The following SHLD2 variants were observed in gnomAD, a reference collection of about 807,000 sequenced individuals.
SHLD2 encodes RINN1-REV7-interacting novel NHEJ regulator 2.
SHLD2 carries 30 observed loss-of-function variants against 73.2 expected under a neutral mutation model. That is an observed-to-expected ratio of 0.41 (90% CI 0.31 to 0.56). The LOEUF is 0.56. Ranked by LOEUF, SHLD2 falls within the 20% of genes least tolerant of loss-of-function variation. SHLD2 has a pLI of 0.28. For synonymous variants in SHLD2, 285 were observed against 370.1 expected (o/e 0.77, Z 2.64); for missense variants, 745 against 1,055.9 (o/e 0.71, Z 4.08).
chr10:87,148,893 T>TC (rs1338370134), intron 2 of SHLD2, among the ~76,000 whole-genome samples: 1 of 150,288 alleles, frequency 6.7e-6, no homozygotes, highest in East Asian at 1.9e-4. Context: ...TTTTTTTTTT[T>TC]TTTTTTTTCT....
At chr10:87,174,717 A>G (rs1163691289) in intron 6 of SHLD2, among the ~76,000 whole-genome samples, 2 of 152,186 alleles carry the variant, frequency 1.3e-5, no homozygotes, top group African/African-American at 4.8e-5. Flanking sequence ...GTTTTATTAT[A>G]GTTTTGAAGT....
In SHLD2 at chr10:87,184,063, C is replaced by T. The variant is rs533206514; in HGVS notation, c.2400-3022C>T. Among the ~76,000 whole-genome samples, 19 of 152,324 alleles carry T rather than the reference C, an allele frequency of 1.2e-4. No homozygotes were observed. In the South Asian group the frequency reaches 3.9e-3, roughly 32 times the overall value. On this transcript the variant is annotated intron_variant, in intron 8 of 9. Coordinates refer to ENST00000298786, the MANE Select transcript of SHLD2 (RefSeq NM_001330112.2). The stretch of plus-strand genomic sequence containing the variant: ...TCCATCTCACATTTAAACATACCCA[C>T]AATAGACTCTTGTTTTTCCTAACCA...
At chr10:87,098,289 G>A (rs1842035716) in intron 2 of SHLD2, among the ~76,000 whole-genome samples, 1 of 151,778 alleles carries the variant, frequency 6.6e-6, no homozygotes, top group Non-Finnish European at 1.5e-5. Flanking sequence ...TGAGGCGGGC[G>A]GATCACCTGA....
intron 2 of SHLD2, chr10:87,115,331 G>A (rs1843183735): frequency 6.6e-6 from 1 of 152,214 alleles, no homozygotes; most frequent in Non-Finnish European, 1.5e-5. Context: ...GATTACAGGT[G>A]TGAGCTACTG....
rs186581938 is a variant in SHLD2, at chr10:87,180,428, G to A, written c.2399+125G>A. The A allele has an allele frequency of 7.7e-5, 100 of 1,303,026 alleles. 1 individual carries two copies. In the Admixed American group the frequency reaches 1.6e-3, roughly 21 times the overall value. 80.7% of individuals were successfully genotyped at this position (1,303,026 alleles called of 1,614,324 possible). The stretch of plus-strand genomic sequence containing the variant: ...CTAGTCGAAGAGAATAAAATTTTCC[G>A]AGTGATAGATAGCTATTTATGGAAG... On this transcript the variant is annotated intron_variant, in intron 8 of 9. Transcript: ENST00000298786.
chr10:87,178,104 C>T (rs560566227), intron 7 of SHLD2, among the ~76,000 whole-genome samples: 6 of 151,632 alleles, frequency 4.0e-5, no homozygotes, highest in South Asian at 2.1e-4. Flanking sequence ...GGCATGATGT[C>T]GGGTGCCTGT....
chr10:87,179,309 A>G (rs1848150817), intron 7 of SHLD2, among the ~76,000 whole-genome samples: 1 of 152,202 alleles, frequency 6.6e-6, no homozygotes, highest in Admixed American at 6.5e-5. Context: ...TATATAGATG[A>G]TAATGGTGAG....
chr10:87,102,202 A>G (rs1048571435), intron 2 of SHLD2, among the ~76,000 whole-genome samples: 3 of 152,214 alleles, frequency 2.0e-5, no homozygotes, highest in African/African-American at 7.2e-5. Flanking sequence ...TGTAATAGAT[A>G]ACCTATTACA....
intron 9 of SHLD2, 73 bp downstream of exon 9, chr10:87,187,273 A>G: frequency 3.3e-6 from 3 of 913,732 alleles, no homozygotes; most frequent in Admixed American, 3.5e-5. Flanking sequence ...CAGAAAGAGC[A>G]CTGTACTTTA....
At chr10:87,168,296 C>T (rs1390017311) in intron 4 of SHLD2, among the ~76,000 whole-genome samples, 1 of 152,034 alleles carries the variant, frequency 6.6e-6, no homozygotes, top group East Asian at 1.9e-4. Context: ...TCTACGCAGC[C>T]ATAAAAAGGA....
chr10:87,121,031 C>A (rs1246920757), intron 2 of SHLD2, among the ~76,000 whole-genome samples: 2 of 152,010 alleles, frequency 1.3e-5, no homozygotes, highest in Admixed American at 6.5e-5. Context: ...GCCTGGGCAA[C>A]AAGAGCGAAA....
At position 87,151,968 on chromosome 10, in the gene SHLD2, A is replaced by C. The variant is rs1300483444; in HGVS notation, c.614A>C (p.Glu205Ala). The C allele has an allele frequency of 1.2e-6, 2 of 1,611,926 alleles. No homozygotes were observed. Among genetic ancestry groups the C allele is most frequent in the Admixed American group, 3.3e-5 (2 of 60,008 alleles). ...QRECVPTEYHEIQNQCLGLFS... is the reference protein window; with the variant it reads ...QRECVPTEYHAIQNQCLGLFS... ...GAGTGTGTGCCAACAGAATATCATG[A>C]AATACAAAACCAGTGTTTGGGATTA... Residue 205 changes from glutamate to alanine, a missense_variant, in exon 3 of 10, where the codon GAA (glutamate) becomes GCA (alanine). By Grantham distance (107) the Glu-to-Ala change is moderately radical (BLOSUM62 -1). Coordinates refer to ENST00000298786, the MANE Select transcript of SHLD2 (RefSeq NM_001330112.2).
intron 2 of SHLD2, among the ~76,000 whole-genome samples, chr10:87,099,862 CTAATA>C (rs1198527501): frequency 6.6e-6 from 1 of 152,142 alleles, no homozygotes; most frequent in Non-Finnish European, 1.5e-5. Flanking sequence ...TCCTTGATGA[CTAATA>C]AAATTTAGCA....
intron 1 of SHLD2, among the ~76,000 whole-genome samples, chr10:87,096,255 G>C (rs1177466379): frequency 6.6e-6 from 1 of 152,046 alleles, no homozygotes; most frequent in African/African-American, 2.4e-5. Context: ...GTGCTGGCCA[G>C]GCTGGTCTCC....
Position 87,191,379 on chromosome 10 carries a change from G to A in SHLD2, c.*696G>A, listed in dbSNP as rs1385409954. ...ATGATAGTCATTAATGAGGAAGTAT[G>A]GCGTGGTACTTATTCTGTAAGTTCA... On this transcript the variant is annotated 3_prime_UTR_variant, in exon 10 of 10. Transcript: ENST00000298786. 1.3e-5 allele frequency: 2 copies of A among 154,248 alleles called. No homozygotes were observed. Among genetic ancestry groups the A allele is most frequent in the Non-Finnish European group, 2.9e-5 (2 of 69,368 alleles). The allele number at this position is 154,248 out of a possible 1,614,324, so 9.6% of individuals were successfully genotyped here. A position where few individuals can be genotyped will look rare whatever the true frequency, so the allele number is the denominator to read the frequency against.
chr10:87,126,300 G>A (rs929009891), intron 2 of SHLD2, among the ~76,000 whole-genome samples: 1 of 152,110 alleles, frequency 6.6e-6, no homozygotes, highest in Non-Finnish European at 1.5e-5. Context: ...GGCTGGTTTC[G>A]AACTCCTAGG....
At chr10:87,168,684 A>G (rs1847377141) in intron 4 of SHLD2, among the ~76,000 whole-genome samples, 1 of 152,188 alleles carries the variant, frequency 6.6e-6, no homozygotes, top group African/African-American at 2.4e-5. Context: ...AGGGAGGAAC[A>G]GGAAACCAAA....
rs530010261 is a variant in SHLD2 at position 87,100,012 on chromosome 10, A to T, written c.-6+3023A>T. Reference sequence around the variant, plus strand: ...TTTTTTTTAATATGTTCTAGATGTAAGTTCCTTACCAGATTTGAAAATGTT... The same window carrying T: ...TTTTTTTTAATATGTTCTAGATGTATGTTCCTTACCAGATTTGAAAATGTT... On this transcript the variant is annotated intron_variant, in intron 2 of 9. Coordinates refer to ENST00000298786, the MANE Select transcript of SHLD2 (RefSeq NM_001330112.2). 3.3e-5 allele frequency among the ~76,000 whole-genome samples: 5 copies of T among 152,146 alleles called. No individual in the cohort carries two copies. The South Asian group carries it at 1.0e-3, about 32-fold the overall frequency.
rs186581938 is a variant in SHLD2 at position 87,180,428 on chromosome 10, G to T, written c.2399+125G>T. The T allele has an allele frequency of 2.3e-6, 3 of 1,302,908 alleles. No individual in the cohort carries two copies. The African/African-American group carries it at 4.5e-5, about 20-fold the overall frequency. 80.7% of individuals were successfully genotyped at this position (1,302,908 alleles called of 1,614,324 possible). A position where few individuals can be genotyped will look rare whatever the true frequency, so the allele number is the denominator to read the frequency against. Reference sequence around the variant, plus strand: ...CTAGTCGAAGAGAATAAAATTTTCCGAGTGATAGATAGCTATTTATGGAAG... The same window carrying T: ...CTAGTCGAAGAGAATAAAATTTTCCTAGTGATAGATAGCTATTTATGGAAG... On this transcript the variant is annotated intron_variant, in intron 8 of 9. Coordinates refer to ENST00000298786, the MANE Select transcript of SHLD2 (RefSeq NM_001330112.2).
Sources: allele counts gnomAD v4.1 joint callset (sites outside exome capture counted in the v4.1 genomes callset), GRCh38; gene constraint gnomAD v4.1.1; transcripts MANE v1.5; gene names NCBI Gene and HGNC (gene_info 2026-07-23, HGNC 2026-07-21).